GPATCH2: variants seen among roughly 807,000 people sequenced by gnomAD.
The protein encoded by GPATCH2 is G patch domain-containing protein 2.
A neutral mutation model predicts 58.0 loss-of-function variants in GPATCH2; 51 were observed. That is an observed-to-expected ratio of 0.88 (90% confidence interval 0.70 to 1.11). GPATCH2 has a LOEUF of 1.11. GPATCH2 is among the 50% of genes most tolerant of loss of function. GPATCH2 has a pLI of 0.00. For synonymous variants in GPATCH2, 222 were observed against 218.5 expected (o/e 1.02, Z -0.14); for missense variants, 625 against 652.2 (o/e 0.96, Z 0.45).
At chr1:217,441,373 G>C (rs265132) in intron 9 of GPATCH2, among the ~76,000 whole-genome samples, 1 of 151,886 alleles carries the variant, frequency 6.6e-6, no homozygotes, top group Non-Finnish European at 1.5e-5. Context: ...AGAGTTAAAC[G>C]TAACATCTAA....
Position 217,620,109 on chromosome 1 carries a change from A to G in GPATCH2, c.447T>C (p.Ala149=), listed in dbSNP as rs749122098. ...GAGTTCTATTCCCAACATTGTCCAC[A>G]GCAAAATCAGACTCATGCCATAGAG... ...KRPLWHESDF[A]VDNVGNRTLR... The change falls in exon 2 of 10, where the codon GCT becomes GCC. Residue 149 remains alanine, a synonymous_variant. Transcript: ENST00000366935. 3 of 1,614,144 alleles carry G rather than the reference A, an allele frequency of 1.9e-6. No individual in the cohort carries two copies. Among genetic ancestry groups the G allele is most frequent in the Non-Finnish European group, 1.7e-6 (2 of 1,180,022 alleles).
intron 5 of GPATCH2, chr1:217,608,368 A>C: frequency 1.0e-6 from 1 of 985,194 alleles, no homozygotes; most frequent in Non-Finnish European, 1.2e-6. Context: ...CACTAGTTCC[A>C]TGATAAACAC....
chr1:217,523,849 G>T (rs1175871128), intron 5 of GPATCH2, among the ~76,000 whole-genome samples: 1 of 148,176 alleles, frequency 6.7e-6, no homozygotes, highest in African/African-American at 2.5e-5. Flanking sequence ...GCCGGGCGGG[G>T]GGCTGACCCC....
chr1:217,539,902 CTT>C (rs1664652733), intron 5 of GPATCH2, among the ~76,000 whole-genome samples: 1 of 86,270 alleles, frequency 1.2e-5, no homozygotes, highest in Non-Finnish European at 2.7e-5. Flanking sequence ...TATAAAAAAA[CTT>C]AATGATATAC....
At chr1:217,535,410 C>T (rs1664411325) in intron 5 of GPATCH2, among the ~76,000 whole-genome samples, 1 of 152,216 alleles carries the variant, frequency 6.6e-6, no homozygotes, top group East Asian at 1.9e-4. Context: ...AGGGCAGTGG[C>T]GTGAGCCCAG....
intron 5 of GPATCH2, among the ~76,000 whole-genome samples, chr1:217,598,445 T>TA (rs148641759): frequency 0.13 from 20,258 of 151,564 alleles, 1,453 homozygotes; most frequent in Non-Finnish European, 0.17. Context: ...CCATCAACAT[T>TA]AAAAAAAATT....
intron 5 of GPATCH2, among the ~76,000 whole-genome samples, chr1:217,578,603 C>T (rs1032128918): frequency 6.6e-6 from 1 of 152,166 alleles, no homozygotes; most frequent in African/African-American, 2.4e-5. Flanking sequence ...GTACCATTTT[C>T]TGCCTTCTTT....
chr1:217,564,841 C>T (rs767618792), intron 5 of GPATCH2, among the ~76,000 whole-genome samples: 4 of 152,118 alleles, frequency 2.6e-5, no homozygotes, highest in Non-Finnish European at 5.9e-5. Flanking sequence ...AAGACAAAAA[C>T]GTGCTGCTGG....
chr1:217,543,501 C>T (rs1296708179), intron 5 of GPATCH2, among the ~76,000 whole-genome samples: 3 of 152,042 alleles, frequency 2.0e-5, no homozygotes, highest in Non-Finnish European at 4.4e-5. Flanking sequence ...GATCTCCTGA[C>T]CTCGTGATCT....
At chr1:217,519,461 T>C (rs188157548) in intron 5 of GPATCH2, among the ~76,000 whole-genome samples, 24 of 152,290 alleles carry the variant, frequency 1.6e-4, no homozygotes, top group African/African-American at 5.1e-4. Flanking sequence ...TGGATATCAT[T>C]TATAAGATTA....
intron 9 of GPATCH2, among the ~76,000 whole-genome samples, 167 bp from the exon 10 acceptor site, chr1:217,431,532 T>C (rs1658534722): frequency 6.6e-6 from 1 of 152,194 alleles, no homozygotes; most frequent in African/African-American, 2.4e-5. Flanking sequence ...GAGAGAACAA[T>C]GGAAGAAAGA....
chr1:217,554,240 A>G (rs1665508313), intron 5 of GPATCH2, among the ~76,000 whole-genome samples: 1 of 152,164 alleles, frequency 6.6e-6, no homozygotes, highest in Non-Finnish European at 1.5e-5. Context: ...GCAATTCATC[A>G]CCTACTACAG....
At chr1:217,627,228 CA>C (rs966389381) in intron 1 of GPATCH2, among the ~76,000 whole-genome samples, 12 of 151,988 alleles carry the variant, frequency 7.9e-5, no homozygotes, top group Non-Finnish European at 1.3e-4. Flanking sequence ...CCTCTACCCA[CA>C]AATAAGAGAA....
chr1:217,562,833 A>T (rs534447074), intron 5 of GPATCH2, among the ~76,000 whole-genome samples: 2 of 152,284 alleles, frequency 1.3e-5, no homozygotes, highest in East Asian at 1.9e-4. Context: ...GTAAAGGTTA[A>T]CTAAGACACT....
At chr1:217,482,745 C>T (rs1286510464) in intron 8 of GPATCH2, among the ~76,000 whole-genome samples, 2 of 152,104 alleles carry the variant, frequency 1.3e-5, no homozygotes, top group Non-Finnish European at 2.9e-5. Flanking sequence ...CCCTATCATC[C>T]TGGTGCCTGA....
intron 5 of GPATCH2, among the ~76,000 whole-genome samples, chr1:217,597,775 T>A (rs886373657): frequency 6.6e-6 from 1 of 152,196 alleles, no homozygotes; most frequent in African/African-American, 2.4e-5. Context: ...TGTTGGCTAG[T>A]GGACTCCATT....
At position 217,611,089 on chromosome 1, in the gene GPATCH2, A is replaced by AC. The variant is rs145143662; in HGVS notation, c.836-19dup. The AC allele has an allele frequency of 0.053, 81,268 of 1,526,566 alleles. 1,134 individuals carry two copies. The highest frequency in any genetic ancestry group is 0.08 in the African/African-American group (5,662 of 71,184). The allele number at this position is 1,526,566 out of a possible 1,614,324, so 94.6% of individuals were successfully genotyped here. ...ATCATCACCTGTGCAAATACAAGAA[A>AC]CCCCCCCCCACCAAAGACTCAGTTT... On this transcript the variant is annotated intron_variant, in intron 3 of 9. Transcript: ENST00000366935.
chr1:217,623,052 G>T (rs1414749438), intron 1 of GPATCH2, among the ~76,000 whole-genome samples: 2 of 151,958 alleles, frequency 1.3e-5, no homozygotes, highest in Non-Finnish European at 2.9e-5. Flanking sequence ...TTAATTAAAA[G>T]AAATATAGTC....
intron 5 of GPATCH2, among the ~76,000 whole-genome samples, chr1:217,597,360 G>A (rs1369561834): frequency 1.3e-5 from 2 of 150,550 alleles, no homozygotes; most frequent in South Asian, 2.1e-4. Context: ...AAAAAAAAAC[G>A]GCAAAATCAC....
Sources: gnomAD v4.1 joint callset for allele counts (sites outside exome capture counted in the v4.1 genomes callset) on GRCh38, gnomAD v4.1.1 for gene constraint, MANE v1.5 for transcripts, NCBI Gene and HGNC (gene_info 2026-07-23, HGNC 2026-07-21) for gene names.